Variants in NFYC observed in about 807,000 individuals in gnomAD.
NFYC encodes CAAT box DNA-binding protein subunit C.
A neutral mutation model predicts 53.1 loss-of-function variants in NFYC; 25 were observed. The ratio of observed to expected loss-of-function variants is 0.47; its 90% CI spans 0.34 to 0.66. NFYC has a LOEUF of 0.66. NFYC is among the 30% of genes least tolerant of loss of function. The pLI, the probability that NFYC is intolerant of heterozygous loss-of-function variation, is 0.01. For synonymous variants in NFYC, 145 were observed against 152.6 expected, an observed-to-expected ratio of 0.95 and a Z score of 0.37; for missense variants, 260 against 422.7, an observed-to-expected ratio of 0.62 and a Z score of 3.38.
In NFYC at chr1:40,691,886, G is replaced by A. The variant is rs754958876; in HGVS notation, c.-9+19G>A. 3.9e-5 allele frequency: 15 copies of A among 381,990 alleles called. No individual in the cohort carries two copies. Among genetic ancestry groups the A allele is most frequent in the South Asian group, 2.1e-4 (12 of 56,886 alleles). The allele number at this position is 381,990 out of a possible 1,614,324, so 23.7% of individuals were successfully genotyped here. On this transcript the variant is annotated intron_variant, in intron 1 of 9. Coordinates refer to ENST00000447388, the MANE Select transcript of NFYC (RefSeq NM_014223.5). ...AGCAGAGGTGTGTGAGTGTGCGGGAGTTTCTGTGCGAGGGTGATAGGGAAG... is the reference window on the plus strand; with the variant it reads ...AGCAGAGGTGTGTGAGTGTGCGGGAATTTCTGTGCGAGGGTGATAGGGAAG...
intron 2 of NFYC, among the ~76,000 whole-genome samples, chr1:40,745,940 C>G (rs1283173289): frequency 1.3e-5 from 2 of 152,134 alleles, no homozygotes; most frequent in Non-Finnish European, 2.9e-5. Context: ...AACTCCTGGC[C>G]TCAAGCGATT....
intron 8 of NFYC, 115 bp from the exon 9 acceptor site, chr1:40,769,241 C>T: frequency 9.8e-7 from 1 of 1,022,272 alleles, no homozygotes; most frequent in Non-Finnish European, 1.5e-6. Flanking sequence ...TGAGCACCTG[C>T]TGGGCACTTT....
chr1:40,757,446 C>T (rs1646288370), intron 5 of NFYC: 1 of 477,684 alleles, frequency 2.1e-6, no homozygotes, highest in African/African-American at 2.0e-5. Context: ...TCAGCCAAGG[C>T]AGTACCCCAG....
intron 3 of NFYC, among the ~76,000 whole-genome samples, chr1:40,748,422 C>T (rs189799485): frequency 1.2e-3 from 179 of 152,306 alleles, no homozygotes; most frequent in Non-Finnish European, 3.7e-4. Context: ...TAGGCATGAG[C>T]CACCATGCCC....
At chr1:40,761,948 C>T (rs575071953) in intron 6 of NFYC, among the ~76,000 whole-genome samples, 1 of 151,946 alleles carries the variant, frequency 6.6e-6, no homozygotes, top group African/African-American at 2.4e-5. Context: ...TCACTACCAC[C>T]ACCAGATGAG....
intron 4 of NFYC, among the ~76,000 whole-genome samples, chr1:40,752,402 G>A (rs1645965926): frequency 6.6e-6 from 1 of 151,932 alleles, no homozygotes; most frequent in Admixed American, 6.6e-5. Flanking sequence ...TAATATGTTG[G>A]GTTTTAGTAA....
At chr1:40,742,829 C>T (rs1390580111) in intron 2 of NFYC, among the ~76,000 whole-genome samples, 1 of 152,148 alleles carries the variant, frequency 6.6e-6, no homozygotes, top group Non-Finnish European at 1.5e-5. Flanking sequence ...TTCCCCTCTT[C>T]TCAGGAGTGC....
At chr1:40,695,902 CTA>C (rs1643108572) in intron 1 of NFYC, among the ~76,000 whole-genome samples, 1 of 152,062 alleles carries the variant, frequency 6.6e-6, no homozygotes, top group East Asian at 1.9e-4. Flanking sequence ...TTCTCATACA[CTA>C]TGAGGTAGAT....
At chr1:40,715,884 AAAG>A (rs1644118448) in intron 1 of NFYC, among the ~76,000 whole-genome samples, 2 of 152,358 alleles carry the variant, frequency 1.3e-5, no homozygotes, top group African/African-American at 4.8e-5. Context: ...TAGTTCAAAG[AAAG>A]AAGACTAAAA....
chr1:40,757,445 G>A (rs892380148), intron 5 of NFYC: 1 of 483,220 alleles, frequency 2.1e-6, no homozygotes, highest in Non-Finnish European at 4.3e-6. Context: ...ATCAGCCAAG[G>A]CAGTACCCCA....
chr1:40,751,947 C>T (rs968993260), intron 4 of NFYC, among the ~76,000 whole-genome samples: 8 of 151,780 alleles, frequency 5.3e-5, no homozygotes, highest in African/African-American at 1.2e-4. Flanking sequence ...GCAAGAAGGG[C>T]GGACTAGAGT....
At chr1:40,754,183 C>A (rs891715227) in intron 5 of NFYC, among the ~76,000 whole-genome samples, 3 of 152,062 alleles carry the variant, frequency 2.0e-5, no homozygotes, top group Non-Finnish European at 4.4e-5. Flanking sequence ...CAGTGACAGC[C>A]ATTCTCCCCA....
chr1:40,708,746 A>G (rs891540647), intron 1 of NFYC, among the ~76,000 whole-genome samples: 2 of 152,234 alleles, frequency 1.3e-5, no homozygotes, highest in African/African-American at 4.8e-5. Flanking sequence ...GGCCATTGGC[A>G]TCACTCTGTT....
At chr1:40,723,325 C>A (rs904717958) in intron 1 of NFYC, 1 of 152,226 alleles carries the variant, frequency 6.6e-6, no homozygotes, top group Non-Finnish European at 1.5e-5. Flanking sequence ...AGGCTACAGG[C>A]ACTCTTTCTG....
At chr1:40,717,163 A>G (rs1304726644) in intron 1 of NFYC, among the ~76,000 whole-genome samples, 2 of 151,912 alleles carry the variant, frequency 1.3e-5, no homozygotes, top group Non-Finnish European at 2.9e-5. Flanking sequence ...GAGAGAATCA[A>G]GAAAGAGAAT....
rs1557712905 is a variant in NFYC at position 40,691,812 on chromosome 1, C to T, written c.-64C>T. ...CGCCGCGCCTGGGCCTCTGCATTGCCCGACTCCGTAGGAGCGCGGGGGCGG... is the reference window on the plus strand; with the variant it reads ...CGCCGCGCCTGGGCCTCTGCATTGCTCGACTCCGTAGGAGCGCGGGGGCGG... On this transcript the variant is annotated 5_prime_UTR_variant, in exon 1 of 10. Coordinates refer to ENST00000447388, the MANE Select transcript of NFYC (RefSeq NM_014223.5). 2.2e-6 allele frequency: 1 copy of T among 445,424 alleles called. No homozygotes were observed. Among genetic ancestry groups the T allele is most frequent in the Non-Finnish European group, 4.5e-6 (1 of 221,652 alleles). 27.6% of individuals were successfully genotyped at this position (445,424 alleles called of 1,614,324 possible).
At chr1:40,754,771 G>C (rs1646119922) in intron 5 of NFYC, among the ~76,000 whole-genome samples, 1 of 152,084 alleles carries the variant, frequency 6.6e-6, no homozygotes, top group Non-Finnish European at 1.5e-5. Flanking sequence ...GTCACATCCT[G>C]TCAGTTCCTC....
At chr1:40,747,689 T>A in intron 3 of NFYC, 84 bp downstream of exon 3, 1 of 895,662 alleles carries the variant, frequency 1.1e-6, no homozygotes, top group Non-Finnish European at 1.8e-6. Context: ...GCTCAAAGTT[T>A]AATTAAACAA....
intron 5 of NFYC, among the ~76,000 whole-genome samples, chr1:40,753,664 T>C (rs539328799): frequency 1.4e-4 from 21 of 152,310 alleles, no homozygotes; most frequent in Admixed American, 3.3e-4. Flanking sequence ...ATATTGTGGT[T>C]CATTATATCT....
Sources: gnomAD v4.1 joint callset for allele counts (sites outside exome capture counted in the v4.1 genomes callset) on GRCh38, gnomAD v4.1.1 for gene constraint, MANE v1.5 for transcripts, NCBI Gene and HGNC (gene_info 2026-07-23, HGNC 2026-07-21) for gene names.